The following HEATR5B variants were observed in gnomAD, a reference collection of about 807,000 sequenced individuals.
The protein encoded by HEATR5B is HEAT repeat-containing protein 5B.
A neutral mutation model predicts 224.1 loss-of-function variants in HEATR5B; 156 were observed. That is an observed-to-expected ratio of 0.70 (90% CI 0.61 to 0.80). The LOEUF is 0.80. Ranked by LOEUF, HEATR5B falls within the 30% of genes least tolerant of loss-of-function variation. The probability of loss-of-function intolerance (pLI) is 0.00; values close to 1 mark genes in which losing one functional copy is unlikely to be tolerated. For synonymous variants in HEATR5B, 1,027 were observed against 893.0 expected, an observed-to-expected ratio of 1.15 and a Z score of -2.68; for missense variants, 2,323 against 2,535.5, an observed-to-expected ratio of 0.92 and a Z score of 1.80.
chr2:37,052,149 T>TA (rs1011890729), intron 17 of HEATR5B, among the ~76,000 whole-genome samples: 3 of 152,226 alleles, frequency 2.0e-5, no homozygotes, highest in African/African-American at 7.2e-5. Context: ...ACATATTTGC[T>TA]ACCATTTTAT....
intron 24 of HEATR5B, among the ~76,000 whole-genome samples, chr2:37,021,904 AAT>A (rs914994701): frequency 4.0e-5 from 6 of 150,270 alleles, no homozygotes; most frequent in Non-Finnish European, 7.4e-5. Context: ...AAAAAAAAAA[AAT>A]TTACTGAGGC....
At chr2:36,998,563 C>T (rs75219072) in intron 33 of HEATR5B, among the ~76,000 whole-genome samples, 38,674 of 152,044 alleles carry the variant, frequency 0.25, 5,277 homozygotes, top group Non-Finnish European at 0.3. Context: ...TCACAGCACA[C>T]GTGCATGAGA....
chr2:37,000,493 A>G lies in HEATR5B; in HGVS notation c.5545+93T>C, dbSNP rs1667017949. 3.3e-6 allele frequency: 3 copies of G among 901,634 alleles called. No individual in the cohort carries two copies. The East Asian group carries it at 7.3e-5, about 22-fold the overall frequency. 55.9% of individuals were successfully genotyped at this position (901,634 alleles called of 1,614,324 possible). ...TACCTCTCTGAGATGATTCATTGTT[A>G]TACAGCAGTTTTCTGATAAGCTTAT... On this transcript the variant is annotated intron_variant, in intron 33 of 35. Coordinates refer to ENST00000233099, the MANE Select transcript of HEATR5B (RefSeq NM_019024.3).
intron 21 of HEATR5B, among the ~76,000 whole-genome samples, 176 bp downstream of exon 21, chr2:37,037,679 T>TCGAGG (rs2148489265): frequency 6.6e-6 from 1 of 152,338 alleles, no homozygotes; most frequent in East Asian, 1.9e-4. Flanking sequence ...TGATAAATGC[T>TCGAGG]TGAGGTGATG....
intron 10 of HEATR5B, 108 bp downstream of exon 10, chr2:37,064,632 T>C (rs78082307): frequency 0.046 from 47,424 of 1,033,248 alleles, 1,352 homozygotes; most frequent in Non-Finnish European, 0.055. Flanking sequence ...TATGATAACA[T>C]AGTACAACTG....
At chr2:36,993,137 G>C (rs1251150126) in intron 33 of HEATR5B, among the ~76,000 whole-genome samples, 2 of 152,096 alleles carry the variant, frequency 1.3e-5, no homozygotes, top group Admixed American at 6.6e-5. Context: ...CAGTGAGGGG[G>C]AAATACTCAG....
intron 21 of HEATR5B, among the ~76,000 whole-genome samples, chr2:37,036,256 G>T (rs1669468123): frequency 6.6e-6 from 1 of 152,304 alleles, no homozygotes; most frequent in Admixed American, 6.5e-5. Context: ...AAGGTTTTAT[G>T]TATGTAGAAA....
intron 5 of HEATR5B, among the ~76,000 whole-genome samples, chr2:37,074,588 C>T (rs1469628037): frequency 6.6e-6 from 1 of 152,080 alleles, no homozygotes; most frequent in South Asian, 2.1e-4. Flanking sequence ...CTTTTCCTTA[C>T]AAGGCACTGT....
At chr2:37,011,645 T>A (rs1283448130) in intron 27 of HEATR5B, among the ~76,000 whole-genome samples, 1 of 152,316 alleles carries the variant, frequency 6.6e-6, no homozygotes, top group East Asian at 1.9e-4. Context: ...CCAGTTTTCA[T>A]AACCATTATT....
intron 24 of HEATR5B, among the ~76,000 whole-genome samples, chr2:37,026,778 A>C (rs1019496456): frequency 1.3e-5 from 2 of 152,152 alleles, no homozygotes; most frequent in African/African-American, 4.8e-5. Context: ...GTCTCATTTT[A>C]TACATGTTGT....
chr2:37,051,354 C>CAAAAAAA (rs11313174), intron 17 of HEATR5B, among the ~76,000 whole-genome samples: 1 of 66,066 alleles, frequency 1.5e-5, no homozygotes, highest in Non-Finnish European at 2.8e-5. Flanking sequence ...AACTCCATCT[C>CAAAAAAA]AAAAAAAAAA....
In HEATR5B at chr2:37,038,920, G is replaced by GGGGGA. The variant is rs58707175; in HGVS notation, c.3047-897_3047-896insTCCCC. Among the ~76,000 whole-genome samples the GGGGGA allele has an allele frequency of 4.2e-3, 519 of 124,156 alleles. 34 individuals carry two copies. The highest frequency in any genetic ancestry group is 8.8e-3 in the Middle Eastern group (2 of 226). The allele number at this position is 124,156 out of a possible 152,430, so 81.5% of individuals were successfully genotyped here. Reference sequence around the variant, plus strand: ...GTCTCCCTGGGGTGGGGGGGGTGGGGAATCACATATTTTTCAATTTCTAGC... The same window carrying GGGGGA: ...GTCTCCCTGGGGTGGGGGGGGTGGGGGGGGAAATCACATATTTTTCAATTTCTAGC... On this transcript the variant is annotated intron_variant, in intron 20 of 35. Transcript: ENST00000233099.
At chr2:37,038,920 G>GGGGA (rs58707175) in intron 20 of HEATR5B, among the ~76,000 whole-genome samples, 5,454 of 122,166 alleles carry the variant, frequency 0.045, 577 homozygotes, top group Non-Finnish European at 0.068. Flanking sequence ...GGGGGGTGGG[G>GGGGA]AATCACATAT....
At chr2:37,076,668 C>G (rs1288982369) in intron 4 of HEATR5B, among the ~76,000 whole-genome samples, 2 of 135,796 alleles carry the variant, frequency 1.5e-5, no homozygotes, top group Non-Finnish European at 3.2e-5. Context: ...AAAAAAAAAG[C>G]CAATCCAAAA....
intron 33 of HEATR5B, among the ~76,000 whole-genome samples, chr2:37,000,140 T>A (rs1269453857): frequency 6.6e-6 from 1 of 151,976 alleles, no homozygotes; most frequent in East Asian, 1.9e-4. Flanking sequence ...TGCAGTGGTG[T>A]GATCTTGGCT....
intron 33 of HEATR5B, among the ~76,000 whole-genome samples, chr2:36,997,671 G>T (rs373376118): frequency 6.8e-6 from 1 of 146,094 alleles, no homozygotes; most frequent in African/African-American, 2.5e-5. Flanking sequence ...GGTTCATGCC[G>T]TTCTCCTGCC....
intron 24 of HEATR5B, among the ~76,000 whole-genome samples, chr2:37,024,386 G>A (rs1343414948): frequency 2.0e-5 from 3 of 152,192 alleles, no homozygotes; most frequent in South Asian, 4.1e-4. Flanking sequence ...GATGGTGGAT[G>A]TTAAGTGGTC....
intron 27 of HEATR5B, among the ~76,000 whole-genome samples, chr2:37,011,354 G>T (rs1296547555): frequency 2.6e-5 from 4 of 152,174 alleles, no homozygotes; most frequent in Non-Finnish European, 5.9e-5. Flanking sequence ...ACGGAGCACA[G>T]GTTATAAGCT....
chr2:37,047,306 G>C (rs1670266707), intron 18 of HEATR5B, among the ~76,000 whole-genome samples: 1 of 152,088 alleles, frequency 6.6e-6, no homozygotes, highest in African/African-American at 2.4e-5. Context: ...ATTTCTCTAA[G>C]TGAAATTATT....
Sources: allele counts gnomAD v4.1 joint callset (sites outside exome capture counted in the v4.1 genomes callset), GRCh38; gene constraint gnomAD v4.1.1; transcripts MANE v1.5; gene names NCBI Gene and HGNC (gene_info 2026-07-23, HGNC 2026-07-21).